The following SLC6A5 variants were observed in gnomAD, a reference collection of about 807,000 sequenced individuals.
The protein encoded by SLC6A5 is solute carrier family 6 member 5.
A neutral mutation model predicts 90.5 loss-of-function variants in SLC6A5; 58 were observed. That is an observed-to-expected ratio of 0.64 (90% confidence interval 0.52 to 0.80). SLC6A5 has a LOEUF of 0.80. Among genes scored for constraint, SLC6A5 ranks in the 30% least tolerant of loss-of-function variants. SLC6A5 has a pLI of 0.00. For missense variants in SLC6A5, 1,015 were observed against 1,017.6 expected (o/e 1.00, Z 0.03); for synonymous variants, 427 against 401.4 (o/e 1.06, Z -0.76).
chr11:20,627,414 C>A (rs1853018197), intron 8 of SLC6A5, among the ~76,000 whole-genome samples: 1 of 152,132 alleles, frequency 6.6e-6, no homozygotes, highest in African/African-American at 2.4e-5. Context: ...AAGGAAAACT[C>A]TGCTTTTCCA....
chr11:20,618,318 T>C (rs7119457), intron 7 of SLC6A5, among the ~76,000 whole-genome samples: 102,563 of 152,076 alleles, frequency 0.67, 35,059 homozygotes, highest in East Asian at 0.82. Flanking sequence ...AGATCAAAAC[T>C]GTGTAGTAGA....
chr11:20,645,660 A>G (rs1285178473), intron 13 of SLC6A5, among the ~76,000 whole-genome samples: 3 of 127,254 alleles, frequency 2.4e-5, no homozygotes, highest in Non-Finnish European at 3.2e-5. Flanking sequence ...TTTTTTTGAG[A>G]TAGAGTCTTG....
At chr11:20,610,507 C>T (rs942722291) in intron 5 of SLC6A5, among the ~76,000 whole-genome samples, 1 of 152,180 alleles carries the variant, frequency 6.6e-6, no homozygotes, top group Admixed American at 6.5e-5. Context: ...GGTGTTTGCC[C>T]TCGTGTTAGT....
At chr11:20,650,860 G>T (rs946963918) in intron 14 of SLC6A5, among the ~76,000 whole-genome samples, 46 of 151,854 alleles carry the variant, frequency 3.0e-4, no homozygotes, top group Non-Finnish European at 5.3e-4. Context: ...TAGAGACGGG[G>T]TTTCACCGTG....
chr11:20,624,351 C>A (rs1488018382), intron 7 of SLC6A5, among the ~76,000 whole-genome samples: 1 of 151,988 alleles, frequency 6.6e-6, no homozygotes, highest in Non-Finnish European at 1.5e-5. Context: ...TGGGGTTTCA[C>A]TATGTTGCCC....
At chr11:20,604,011 G>C (rs947973477) in intron 2 of SLC6A5, among the ~76,000 whole-genome samples, 1 of 152,084 alleles carries the variant, frequency 6.6e-6, no homozygotes, top group Non-Finnish European at 1.5e-5. Context: ...TGTATGATCT[G>C]GGAAAGAGGG....
intron 3 of SLC6A5, among the ~76,000 whole-genome samples, chr11:20,606,731 T>C (rs1163144473): frequency 6.6e-6 from 1 of 151,996 alleles, no homozygotes; most frequent in Admixed American, 6.6e-5. Context: ...AAGAAAATAA[T>C]AAAAACCCAT....
At position 20,659,284 on chromosome 11, in the gene SLC6A5, G is replaced by T. The variant is rs903425244; in HGVS notation, c.*4416G>T. ...AAATAAATGTCAGTGTTTAAAACAT[G>T]ATTATAGTATTGTGTCTCTTACAAA... On this transcript the variant is annotated 3_prime_UTR_variant, in exon 16 of 16. Transcript: ENST00000525748. The T allele has an allele frequency of 3.3e-5, 5 of 151,974 alleles. No homozygotes were observed. Among genetic ancestry groups the T allele is most frequent in the African/African-American group, 1.2e-4 (5 of 41,384 alleles). The allele number at this position is 151,974 out of a possible 1,614,324, so 9.4% of individuals were successfully genotyped here. A position where few individuals can be genotyped will look rare whatever the true frequency, so the allele number is the denominator to read the frequency against.
At chr11:20,605,936 G>C (rs187650443) in intron 3 of SLC6A5, among the ~76,000 whole-genome samples, 1 of 152,226 alleles carries the variant, frequency 6.6e-6, no homozygotes, top group African/African-American at 2.4e-5. Flanking sequence ...CTGGCTTGGA[G>C]AGCCCCGGGC....
chr11:20,644,959 G>A (rs1281545409), intron 13 of SLC6A5, among the ~76,000 whole-genome samples: 2 of 151,396 alleles, frequency 1.3e-5, no homozygotes, highest in African/African-American at 4.9e-5. Flanking sequence ...TTACAGGCAT[G>A]CGTCACCATG....
rs769786459 is a variant in SLC6A5 at position 20,601,088 on chromosome 11, T to C, written c.4-41T>C. On this transcript the variant is annotated intron_variant, in intron 1 of 15. Transcript: ENST00000525748. ...CTAGATACAGGTATTTTAAAAGCTG[T>C]TGTGACTTTGTTTTGCACGAACTTG... The C allele has an allele frequency of 3.2e-6, 5 of 1,560,046 alleles. No individual in the cohort carries two copies. In the African/African-American group the frequency reaches 5.4e-5, roughly 17 times the overall value.
intron 13 of SLC6A5, among the ~76,000 whole-genome samples, chr11:20,641,104 T>G (rs1485133641): frequency 3.3e-5 from 5 of 152,216 alleles, no homozygotes; most frequent in Non-Finnish European, 5.9e-5. Context: ...TAAAACTCCC[T>G]TAGTTTTGTG....
At chr11:20,610,865 A>T (rs1852680805) in intron 5 of SLC6A5, among the ~76,000 whole-genome samples, 1 of 152,158 alleles carries the variant, frequency 6.6e-6, no homozygotes, top group Non-Finnish European at 1.5e-5. Context: ...GGTGGAGGCC[A>T]GGGATTCTGC....
chr11:20,609,891 G>C (rs918482376), intron 5 of SLC6A5, among the ~76,000 whole-genome samples: 6 of 152,222 alleles, frequency 3.9e-5, no homozygotes, highest in Non-Finnish European at 7.3e-5. Context: ...CAGGTTGTAA[G>C]AGAGGCTGCT....
Position 20,628,031 on chromosome 11 carries a change from G to A in SLC6A5, c.1447G>A (p.Gly483Arg). The change falls in exon 9 of 16, where the codon GGA becomes AGA. Residue 483 changes from glycine (G) to arginine (R), a missense_variant. By Grantham distance (125) the Gly-to-Arg change is moderately radical. Coordinates refer to ENST00000525748, the MANE Select transcript of SLC6A5 (RefSeq NM_004211.5). Reference sequence around the variant, plus strand: ...TTTCTTCTCTTTATCTGCTGCATGGGGAGGCCTGATCACTCTCTCTTCTTA... The same window carrying A: ...TTTCTTCTCTTTATCTGCTGCATGGAGAGGCCTGATCACTCTCTCTTCTTA... ...QIFFSLSAAW[G>R]GLITLSSYNK... The A allele has an allele frequency of 6.2e-7, 1 of 1,614,108 alleles. No homozygotes were observed. The highest frequency in any genetic ancestry group is 8.5e-7 in the Non-Finnish European group (1 of 1,180,020).
chr11:20,624,702 C>A (rs1239132016), intron 7 of SLC6A5, among the ~76,000 whole-genome samples: 1 of 152,198 alleles, frequency 6.6e-6, no homozygotes, highest in Non-Finnish European at 1.5e-5. Context: ...ATAGCCGTCA[C>A]CCCATGGATC....
chr11:20,633,735 A>G (rs1287662529), intron 10 of SLC6A5, among the ~76,000 whole-genome samples: 1 of 152,184 alleles, frequency 6.6e-6, no homozygotes, highest in Admixed American at 6.5e-5. Context: ...ACTTGTGTTG[A>G]TGCATTTAAT....
chr11:20,655,291 G>T lies in SLC6A5; in HGVS notation c.*423G>T. 3.9e-6 allele frequency: 1 copy of T among 255,942 alleles called. No homozygotes were observed. The highest frequency in any genetic ancestry group is 7.8e-6 in the Non-Finnish European group (1 of 128,638). The allele number at this position is 255,942 out of a possible 1,614,324, so 15.9% of individuals were successfully genotyped here. ...GGACTTGAACAGAACTGAGCAATGT[G>T]GTGATCTTGTTCAGACACACAAAGT... On this transcript the variant is annotated 3_prime_UTR_variant, in exon 16 of 16. Coordinates refer to ENST00000525748, the MANE Select transcript of SLC6A5 (RefSeq NM_004211.5).
Position 20,601,536 on chromosome 11 carries a change from C to T in SLC6A5, c.411C>T (p.Gly137=). 6.2e-7 allele frequency: 1 copy of T among 1,614,154 alleles called. No homozygotes were observed. Among genetic ancestry groups the T allele is most frequent in the Non-Finnish European group, 8.5e-7 (1 of 1,179,992 alleles). ...AGGGGGATGCGAACGTGAGTGTGGG[C>T]AAGGGCACCCTGGAGCGGAACAATA... is the stretch of plus-strand genomic sequence containing the variant. The part of the protein sequence containing the change: ...GPEGDANVSV[G]KGTLERNNTP... Residue 137 remains glycine, a synonymous_variant, in exon 2 of 16, where the codon GGC becomes GGT. Coordinates refer to ENST00000525748, the MANE Select transcript of SLC6A5 (RefSeq NM_004211.5).
Sources: gnomAD v4.1 joint callset for allele counts (sites outside exome capture counted in the v4.1 genomes callset) on GRCh38, gnomAD v4.1.1 for gene constraint, MANE v1.5 for transcripts, NCBI Gene and HGNC (gene_info 2026-07-23, HGNC 2026-07-21) for gene names.